Variants in ASCC1 observed in about 807,000 individuals in gnomAD.
ASCC1 encodes the protein ASC-1 complex subunit P50.
ASCC1 carries 35 observed loss-of-function variants against 46.6 expected under a neutral mutation model. The ratio of observed to expected loss-of-function variants is 0.75; its 90% CI spans 0.57 to 0.99. The LOEUF is 0.99. Ranked by LOEUF, ASCC1 falls within the 50% of genes least tolerant of loss-of-function variation. The probability of loss-of-function intolerance (pLI) is 0.00; values close to 1 mark genes in which losing one functional copy is unlikely to be tolerated. For missense variants in ASCC1, 376 were observed against 428.7 expected, an observed-to-expected ratio of 0.88 and a Z score of 1.09; for synonymous variants, 143 against 146.6, an observed-to-expected ratio of 0.98 and a Z score of 0.18.
At chr10:72,170,381 C>T (rs1421600195) in intron 5 of ASCC1, among the ~76,000 whole-genome samples, 1 of 152,040 alleles carries the variant, frequency 6.6e-6, no homozygotes, top group Non-Finnish European at 1.5e-5. Flanking sequence ...TCCAGGAATG[C>T]CTAAGTCTAC....
At chr10:72,102,041 G>A (rs1841826879) in intron 9 of ASCC1, among the ~76,000 whole-genome samples, 1 of 152,130 alleles carries the variant, frequency 6.6e-6, no homozygotes, top group South Asian at 2.1e-4. Flanking sequence ...TGGGTACTGA[G>A]CTTAATACCT....
At chr10:72,184,751 C>T (rs548899687) in intron 5 of ASCC1, among the ~76,000 whole-genome samples, 25 of 148,416 alleles carry the variant, frequency 1.7e-4, no homozygotes, top group African/African-American at 2.0e-4. Flanking sequence ...GCCAAGATCA[C>T]GGCACTTCAG....
chr10:72,135,613 G>C (rs1364751920), intron 7 of ASCC1, among the ~76,000 whole-genome samples: 1 of 152,168 alleles, frequency 6.6e-6, no homozygotes, highest in Non-Finnish European at 1.5e-5. Flanking sequence ...GACTTCAGTA[G>C]TTACAGAGTG....
chr10:72,213,568 C>A (rs1858503090), intron 1 of ASCC1, among the ~76,000 whole-genome samples: 1 of 150,400 alleles, frequency 6.6e-6, no homozygotes, highest in East Asian at 1.9e-4. Flanking sequence ...TTTATCACCC[C>A]CCCCCCAAAA....
At chr10:72,208,968 G>A (rs922172986) in intron 3 of ASCC1, among the ~76,000 whole-genome samples, 5 of 151,862 alleles carry the variant, frequency 3.3e-5, no homozygotes, top group African/African-American at 9.7e-5. Flanking sequence ...GTTCAAGACC[G>A]GCCTGGGCAA....
chr10:72,155,531 C>G (rs1345344038), intron 6 of ASCC1, among the ~76,000 whole-genome samples: 1 of 152,178 alleles, frequency 6.6e-6, no homozygotes, highest in Non-Finnish European at 1.5e-5. Context: ...CACCTAAGAT[C>G]TGTGCATTTT....
chr10:72,167,239 G>A (rs1027643830), intron 5 of ASCC1, among the ~76,000 whole-genome samples: 5 of 152,138 alleles, frequency 3.3e-5, no homozygotes, highest in Non-Finnish European at 7.4e-5. Context: ...TAAACAAAAT[G>A]TAGGCTAGCC....
intron 7 of ASCC1, among the ~76,000 whole-genome samples, chr10:72,145,944 G>A (rs991407731): frequency 3.3e-5 from 5 of 152,204 alleles, no homozygotes; most frequent in African/African-American, 1.2e-4. Context: ...AACCCTGCCT[G>A]TTCTGCAGCC....
At chr10:72,147,194 G>A (rs1274625214) in intron 7 of ASCC1, among the ~76,000 whole-genome samples, 1 of 151,776 alleles carries the variant, frequency 6.6e-6, no homozygotes, top group African/African-American at 2.4e-5. Context: ...TACAAGAGGT[G>A]AGAATTATCC....
At chr10:72,205,638 A>G (rs1857101341) in intron 3 of ASCC1, among the ~76,000 whole-genome samples, 1 of 151,380 alleles carries the variant, frequency 6.6e-6, no homozygotes. Flanking sequence ...CTCAAAAAAA[A>G]AAAAAAAAAA....
intron 9 of ASCC1, among the ~76,000 whole-genome samples, chr10:72,100,576 A>G (rs1006722851): frequency 6.6e-5 from 10 of 152,120 alleles, no homozygotes; most frequent in Admixed American, 4.6e-4. Flanking sequence ...TTTTCTTAAT[A>G]GAGACAGGGT....
intron 8 of ASCC1, among the ~76,000 whole-genome samples, chr10:72,132,070 T>A (rs536525939): frequency 6.6e-6 from 1 of 152,162 alleles, no homozygotes; most frequent in African/African-American, 2.4e-5. Context: ...GGTTTCACCA[T>A]GTTGGCCAGG....
chr10:72,131,439 TACACACACACACAC>T (rs71927487), intron 8 of ASCC1, among the ~76,000 whole-genome samples: 7 of 139,324 alleles, frequency 5.0e-5, no homozygotes, highest in African/African-American at 8.3e-5. Flanking sequence ...AAAATAAAAA[TACACACACACACAC>T]ACACACACAC....
intron 5 of ASCC1, among the ~76,000 whole-genome samples, chr10:72,195,314 T>G (rs1855238561): frequency 6.6e-6 from 1 of 151,538 alleles, no homozygotes; most frequent in Non-Finnish European, 1.5e-5. Flanking sequence ...CCTGGATAAT[T>G]TTTGTATTTT....
At chr10:72,169,251 C>G (rs2132809864) in intron 5 of ASCC1, among the ~76,000 whole-genome samples, 1 of 152,192 alleles carries the variant, frequency 6.6e-6, no homozygotes, top group South Asian at 2.1e-4. Flanking sequence ...GCCCGGGTAA[C>G]AAGGTGAAAC....
chr10:72,119,609 A>G (rs1843939189), intron 9 of ASCC1, among the ~76,000 whole-genome samples: 1 of 152,016 alleles, frequency 6.6e-6, no homozygotes, highest in African/African-American at 2.4e-5. Context: ...GAATTACAGA[A>G]CACTTCCCCT....
At chr10:72,101,183 A>G (rs1054354599) in intron 9 of ASCC1, among the ~76,000 whole-genome samples, 9 of 152,210 alleles carry the variant, frequency 5.9e-5, no homozygotes, top group Non-Finnish European at 1.2e-4. Context: ...GGGAGAGTGC[A>G]TATCAGAAGA....
At chr10:72,143,369 G>T (rs1340913188) in intron 7 of ASCC1, among the ~76,000 whole-genome samples, 3 of 151,196 alleles carry the variant, frequency 2.0e-5, no homozygotes, top group African/African-American at 4.9e-5. Flanking sequence ...CTCCCTTTTT[G>T]TTGTTGTTGT....
In ASCC1 at chr10:72,161,642, A is replaced by G. The variant is rs774126098; in HGVS notation, c.522T>C (p.Asn174=). 6.2e-7 allele frequency: 1 copy of G among 1,614,202 alleles called. No homozygotes were observed. The highest frequency in any genetic ancestry group is 8.5e-7 in the Non-Finnish European group (1 of 1,180,052). ...DHGVDSSIFQ[N]PKKLHLTIGM... is the part of the protein sequence containing the mutation. ...CAATAGTTAGATGAAGCTTTTTAGG[A>G]TTCTGGAAAATGCTGCTGTCAACCC... The change falls in exon 6 of 10, where the codon AAT becomes AAC. Residue 174 remains asparagine, a synonymous_variant. Coordinates refer to ENST00000672957, the MANE Select transcript of ASCC1 (RefSeq NM_001198800.3).
Sources: allele counts gnomAD v4.1 joint callset (sites outside exome capture counted in the v4.1 genomes callset), GRCh38; gene constraint gnomAD v4.1.1; transcripts MANE v1.5; gene names NCBI Gene and HGNC (gene_info 2026-07-23, HGNC 2026-07-21).